RAB6A: variants seen among roughly 807,000 people sequenced by gnomAD.
RAB6A encodes RAB6A, member RAS oncogene family, also known as ras-related protein Rab-6A.
RAB6A carries 8 observed loss-of-function variants against 32.3 expected under a neutral mutation model. That is an observed-to-expected ratio of 0.25 (90% CI 0.15 to 0.45). The LOEUF is 0.45. Among genes scored for constraint, RAB6A ranks in the 20% least tolerant of loss-of-function variants. The pLI is 1.00. For missense variants in RAB6A, 104 were observed against 249.4 expected (o/e 0.42, Z 3.93); for synonymous variants, 73 against 82.1 (o/e 0.89, Z 0.60).
chr11:73,718,715 G>GTA lies in RAB6A; in HGVS notation c.185_186dup (p.Arg63TyrfsTer17), dbSNP rs778626294. The GTA allele has an allele frequency of 6.2e-7, 1 of 1,613,872 alleles. No individual in the cohort carries two copies. On this transcript the variant is annotated frameshift_variant, in exon 4 of 8. Transcript: ENST00000336083. LOFTEE classifies it high-confidence loss of function. ...CCTGCTGTGTCCCATAATTGCAATC[G>GTA]TACCTAACAACAAAATCAGTCAAAC...
intron 4 of RAB6A, among the ~76,000 whole-genome samples, chr11:73,716,676 GATA>G (rs1359956085): frequency 6.6e-6 from 1 of 152,096 alleles, no homozygotes; most frequent in Non-Finnish European, 1.5e-5. Context: ...AGCTATGGCA[GATA>G]ATATGGTGTC....
intron 6 of RAB6A, among the ~76,000 whole-genome samples, chr11:73,702,128 G>A (rs1945755325): frequency 6.6e-6 from 1 of 152,068 alleles, no homozygotes; most frequent in South Asian, 2.1e-4. Context: ...CTCAGTTATC[G>A]ACAGAACTGG....
intron 6 of RAB6A, among the ~76,000 whole-genome samples, chr11:73,694,978 T>G (rs957669593): frequency 3.9e-5 from 6 of 152,140 alleles, no homozygotes; most frequent in African/African-American, 1.2e-4. Context: ...ATCGTGCCAC[T>G]GCACTCAAGC....
chr11:73,731,535 T>C (rs1275963717), intron 1 of RAB6A, among the ~76,000 whole-genome samples: 1 of 132,814 alleles, frequency 7.5e-6, no homozygotes, highest in Non-Finnish European at 1.6e-5. Flanking sequence ...AGAGACTCCG[T>C]CTCAAAAAAA....
At chr11:73,701,742 C>T (rs1205959789) in intron 6 of RAB6A, among the ~76,000 whole-genome samples, 1 of 150,932 alleles carries the variant, frequency 6.6e-6, no homozygotes, top group African/African-American at 2.4e-5. Flanking sequence ...CTGCCTCGAC[C>T]CCCTGGGCCA....
At chr11:73,746,947 T>C (rs2135004995) in intron 1 of RAB6A, among the ~76,000 whole-genome samples, 1 of 152,252 alleles carries the variant, frequency 6.6e-6, no homozygotes, top group East Asian at 1.9e-4. Context: ...TTGTTGTTGT[T>C]GTTTTTGAGA....
intron 1 of RAB6A, among the ~76,000 whole-genome samples, chr11:73,742,309 T>A (rs1946509957): frequency 6.6e-6 from 1 of 151,590 alleles, no homozygotes. Flanking sequence ...TAAATAATAA[T>A]AAAACAAAAT....
At chr11:73,748,622 A>C (rs1000546428) in intron 1 of RAB6A, among the ~76,000 whole-genome samples, 1 of 152,360 alleles carries the variant, frequency 6.6e-6, no homozygotes, top group Admixed American at 6.5e-5. Context: ...GCTATGTAAC[A>C]GCTAACAGGG....
At chr11:73,750,636 C>T (rs1259967744) in intron 1 of RAB6A, among the ~76,000 whole-genome samples, 1 of 152,150 alleles carries the variant, frequency 6.6e-6, no homozygotes, top group East Asian at 1.9e-4. Flanking sequence ...GGATTACAGG[C>T]ATGAGCCCCC....
chr11:73,746,844 C>T (rs1008834913), intron 1 of RAB6A, among the ~76,000 whole-genome samples: 10 of 152,088 alleles, frequency 6.6e-5, no homozygotes, highest in Non-Finnish European at 1.2e-4. Flanking sequence ...TTACTAACCA[C>T]GCAACCATGA....
chr11:73,685,827 G>A (rs1945444315), intron 6 of RAB6A, among the ~76,000 whole-genome samples: 1 of 144,334 alleles, frequency 6.9e-6, no homozygotes, highest in South Asian at 2.3e-4. Context: ...GGAGGTTGCA[G>A]TGAGCCGAGA....
In RAB6A at chr11:73,718,715, G is replaced by A; in HGVS notation, c.187C>T (p.Arg63Ter). Residue 63 changes from arginine to a stop codon, truncating the protein, a stop_gained, in exon 4 of 8, where the codon CGA (arginine) becomes TGA (stop). Transcript: ENST00000336083. LOFTEE classifies it high-confidence loss of function. Reference sequence around the variant, plus strand: ...CCTGCTGTGTCCCATAATTGCAATCGTACCTAACAACAAAATCAGTCAAAC... The same window carrying A: ...CCTGCTGTGTCCCATAATTGCAATCATACCTAACAACAAAATCAGTCAAAC... ...KTMYLEDRTVRLQLWDTAGQE... is the reference protein window; with the variant it reads ...KTMYLEDRTV 2 of 1,613,872 alleles carry A rather than the reference G, an allele frequency of 1.2e-6. No individual in the cohort carries two copies. Among genetic ancestry groups the A allele is most frequent in the Admixed American group, 1.7e-5 (1 of 59,984 alleles).
At chr11:73,751,737 G>C (rs1174470151) in intron 1 of RAB6A, among the ~76,000 whole-genome samples, 3 of 152,154 alleles carry the variant, frequency 2.0e-5, no homozygotes, top group African/African-American at 7.2e-5. Context: ...TGCATTTACT[G>C]TATGTTATGA....
chr11:73,722,293 A>ATGTGTGTGTG (rs1555061965), intron 2 of RAB6A: 1 of 92,754 alleles, frequency 1.1e-5, no homozygotes, highest in Non-Finnish European at 2.2e-5. Flanking sequence ...ATTCAAATAT[A>ATGTGTGTGTG]TATGTGTGTG....
intron 1 of RAB6A, among the ~76,000 whole-genome samples, chr11:73,754,163 T>C (rs1420436135): frequency 1.3e-5 from 2 of 152,234 alleles, no homozygotes; most frequent in East Asian, 1.9e-4. Flanking sequence ...CCTAGACTCT[T>C]ACTCTCCATC....
chr11:73,723,780 T>C (rs1946176590), intron 2 of RAB6A, among the ~76,000 whole-genome samples: 4 of 152,074 alleles, frequency 2.6e-5, no homozygotes, highest in Admixed American at 2.6e-4. Flanking sequence ...AAATAGTATA[T>C]TAGAGAGTAG....
intron 1 of RAB6A, among the ~76,000 whole-genome samples, chr11:73,746,258 A>G (rs1161508226): frequency 1.3e-5 from 2 of 152,098 alleles, no homozygotes; most frequent in East Asian, 3.8e-4. Context: ...AAGAATGAGA[A>G]TATTCATCAA....
At position 73,760,547 on chromosome 11, in the gene RAB6A, A is replaced by C; in HGVS notation, c.70+19T>G. On this transcript the variant is annotated intron_variant, in intron 1 of 7. Transcript: ENST00000336083. ...GACGCTGCGGCCAGCTGCCAGGAGT[A>C]GGGGAGCCACGCACTCACCGCTTTG... 6.3e-7 allele frequency: 1 copy of C among 1,595,620 alleles called. No individual in the cohort carries two copies. Among genetic ancestry groups the C allele is most frequent in the South Asian group, 1.1e-5 (1 of 88,412 alleles).
At chr11:73,706,331 C>T (rs1302266271) in intron 6 of RAB6A, among the ~76,000 whole-genome samples, 4 of 151,720 alleles carry the variant, frequency 2.6e-5, no homozygotes, top group Admixed American at 1.3e-4. Flanking sequence ...CTGGCTAACA[C>T]AGTGAAACCC....
Sources: allele counts gnomAD v4.1 joint callset (sites outside exome capture counted in the v4.1 genomes callset), GRCh38; gene constraint gnomAD v4.1.1; transcripts MANE v1.5; gene names NCBI Gene and HGNC (gene_info 2026-07-23, HGNC 2026-07-21).